Variants in TRHDE observed in about 807,000 individuals in gnomAD.
TRHDE encodes thyrotropin releasing hormone degrading enzyme.
TRHDE carries 72 observed loss-of-function variants against 125.7 expected under a neutral mutation model. The ratio of observed to expected loss-of-function variants is 0.57; its 90% CI spans 0.47 to 0.70. The LOEUF (loss-of-function observed/expected upper bound fraction) is 0.70. Ranked by LOEUF, TRHDE falls within the 30% of genes least tolerant of loss-of-function variation. TRHDE has a pLI of 0.00. For missense variants in TRHDE, 1,110 were observed against 1,327.1 expected (o/e 0.84, Z 2.54); for synonymous variants, 509 against 509.1 (o/e 1.00, Z 0.00).
intron 1 of TRHDE, among the ~76,000 whole-genome samples, chr12:72,102,530 T>C (rs1306730197): frequency 6.6e-6 from 1 of 152,184 alleles, no homozygotes; most frequent in Non-Finnish European, 1.5e-5. Flanking sequence ...CTAAATTTGG[T>C]TATTTATGGC....
chr12:72,379,771 G>A (rs113438278), intron 3 of TRHDE, among the ~76,000 whole-genome samples: 4,318 of 152,150 alleles, frequency 0.028, 111 homozygotes, highest in Non-Finnish European at 0.043. Context: ...CACCATTGCC[G>A]CTACTTGTTA....
intron 2 of TRHDE, among the ~76,000 whole-genome samples, chr12:72,212,396 T>A (rs1258555322): frequency 2.0e-5 from 3 of 151,988 alleles, no homozygotes; most frequent in Non-Finnish European, 2.9e-5. Flanking sequence ...TGAAACATTG[T>A]GGTATGAATA....
intron 3 of TRHDE, among the ~76,000 whole-genome samples, chr12:72,378,712 A>C (rs1872011502): frequency 6.6e-6 from 1 of 152,240 alleles, no homozygotes; most frequent in Admixed American, 6.5e-5. Flanking sequence ...TAAATACAAT[A>C]CAAATAAGAG....
Position 72,594,802 on chromosome 12 carries a change from G to T in TRHDE, c.2321+19260G>T, listed in dbSNP as rs145716195. On this transcript the variant is annotated intron_variant, in intron 12 of 18. Coordinates refer to ENST00000261180, the MANE Select transcript of TRHDE (RefSeq NM_013381.3). ...AGACTATAAATCATGCTGCTATAAAGACACATGCACACGTATGTTTATTTG... is the reference window on the plus strand; with the variant it reads ...AGACTATAAATCATGCTGCTATAAATACACATGCACACGTATGTTTATTTG... Among the ~76,000 whole-genome samples, 933 of 151,940 alleles carry T rather than the reference G, an allele frequency of 6.1e-3. 12 individuals carry two copies. Among genetic ancestry groups the T allele is most frequent in the African/African-American group, 0.021 (888 of 41,430 alleles).
intron 3 of TRHDE, among the ~76,000 whole-genome samples, chr12:72,408,854 TAA>T (rs887940905): frequency 9.2e-5 from 14 of 151,848 alleles, no homozygotes; most frequent in Non-Finnish European, 1.8e-4. Context: ...AAAAAATATA[TAA>T]AAGAGACAAT....
chr12:72,132,634 T>TC (rs56993382), intron 2 of TRHDE, among the ~76,000 whole-genome samples: 11,019 of 152,210 alleles, frequency 0.072, 671 homozygotes, highest in African/African-American at 0.16. Context: ...GAGCTCTAAG[T>TC]TCACACATCA....
At chr12:72,512,450 AT>A (rs1412154649) in intron 6 of TRHDE, among the ~76,000 whole-genome samples, 1 of 140,172 alleles carries the variant, frequency 7.1e-6, no homozygotes, top group African/African-American at 2.6e-5. Flanking sequence ...TTATAATTAT[AT>A]AATTATAATA....
chr12:72,273,646 CTTCCAA>C lies in TRHDE; in HGVS notation c.914+91_914+96del. 1.5e-6 allele frequency: 2 copies of C among 1,309,696 alleles called. No individual in the cohort carries two copies. The highest frequency in any genetic ancestry group is 2.1e-6 in the Non-Finnish European group (2 of 957,756). 81.1% of individuals were successfully genotyped at this position (1,309,696 alleles called of 1,614,324 possible). A position where few individuals can be genotyped will look rare whatever the true frequency, so the allele number is the denominator to read the frequency against. ...CCTGCGACCCCGGGGACCCAGCTGG[CTTCCAA>C]TACCCGGGAAGCCAGGGGTGGGGGG... On this transcript the variant is annotated intron_variant, in intron 1 of 18. Transcript: ENST00000261180. The surrounding 1 kb of genome is among the most constrained non-coding windows in gnomAD (Gnocchi z 5.3).
chr12:72,290,121 C>A (rs28450456), intron 2 of TRHDE, among the ~76,000 whole-genome samples: 3,139 of 152,240 alleles, frequency 0.021, 116 homozygotes, highest in African/African-American at 0.071. Context: ...TTAAGGTTTG[C>A]AGTCTAGGGA....
chr12:72,318,335 G>C (rs1466466943), intron 2 of TRHDE, among the ~76,000 whole-genome samples: 1 of 152,126 alleles, frequency 6.6e-6, no homozygotes, highest in African/African-American at 2.4e-5. Flanking sequence ...GTATCTAGAA[G>C]GAAGGCAGAT....
chr12:72,467,662 A>G (rs1431549771), intron 3 of TRHDE, among the ~76,000 whole-genome samples: 1 of 152,128 alleles, frequency 6.6e-6, no homozygotes, highest in African/African-American at 2.4e-5. Context: ...TAAAAATACA[A>G]AAATTAGCTG....
rs182052594 is a variant in TRHDE at position 72,577,645 on chromosome 12, G to A, written c.2321+2103G>A. 8.8e-4 allele frequency among the ~76,000 whole-genome samples: 134 copies of A among 152,286 alleles called. 1 individual carries two copies. Among genetic ancestry groups the A allele is most frequent in the African/African-American group, 3.2e-3 (131 of 41,564 alleles). On this transcript the variant is annotated intron_variant, in intron 12 of 18. Transcript: ENST00000261180. ...ACAGAGGCCAGATGGAAATTAAAAGGAAGGGATCTGTTGACTCATCTGCAT... is the reference window on the plus strand; with the variant it reads ...ACAGAGGCCAGATGGAAATTAAAAGAAAGGGATCTGTTGACTCATCTGCAT...
intron 7 of TRHDE, among the ~76,000 whole-genome samples, chr12:72,546,559 CCTT>C (rs1022449224): frequency 6.6e-6 from 1 of 151,664 alleles, no homozygotes; most frequent in African/African-American, 2.4e-5. Context: ...AATGACATTA[CCTT>C]CTTTAAATCT....
chr12:72,119,984 CTA>C (rs1334025354), intron 2 of TRHDE, among the ~76,000 whole-genome samples: 4 of 151,760 alleles, frequency 2.6e-5, no homozygotes, highest in Admixed American at 6.6e-5. Flanking sequence ...TTCAGCCACT[CTA>C]TGTCTTTTGA....
chr12:72,584,170 T>G (rs935403937), intron 12 of TRHDE, among the ~76,000 whole-genome samples: 31 of 152,156 alleles, frequency 2.0e-4, no homozygotes, highest in African/African-American at 6.0e-4. Context: ...TTCATCTCTA[T>G]AGTAGAAAAT....
chr12:72,467,022 G>A (rs1332705526), intron 3 of TRHDE, among the ~76,000 whole-genome samples: 2 of 152,216 alleles, frequency 1.3e-5, no homozygotes, highest in Non-Finnish European at 2.9e-5. Flanking sequence ...GATGCTCAAT[G>A]AGTATTTGTT....
rs534505581 is a variant in TRHDE, at chr12:72,315,016, A to G, written c.1188+28062A>G. Among the ~76,000 whole-genome samples the G allele has an allele frequency of 4.6e-5, 7 of 152,348 alleles. No homozygotes were observed. In the South Asian group the frequency reaches 1.4e-3, roughly 32 times the overall value. Reference sequence around the variant, plus strand: ...CAAATTAACTTATTGCTACCTAGTTAAAAATAAATTGTTTAGGCAGATATA... The same window carrying G: ...CAAATTAACTTATTGCTACCTAGTTGAAAATAAATTGTTTAGGCAGATATA... On this transcript the variant is annotated intron_variant, in intron 2 of 18. Coordinates refer to ENST00000261180, the MANE Select transcript of TRHDE (RefSeq NM_013381.3).
intron 9 of TRHDE, among the ~76,000 whole-genome samples, chr12:72,565,448 C>G (rs928295622): frequency 2.0e-5 from 3 of 152,114 alleles, no homozygotes; most frequent in African/African-American, 7.2e-5. Flanking sequence ...ATAAAGTTAG[C>G]TGATGTGTAA....
At chr12:72,371,155 T>C (rs1871566239) in intron 2 of TRHDE, among the ~76,000 whole-genome samples, 1 of 152,108 alleles carries the variant, frequency 6.6e-6, no homozygotes, top group South Asian at 2.1e-4. Context: ...TAGTCTGGGA[T>C]ATCATCCTCC....
Sources: allele counts gnomAD v4.1 joint callset (sites outside exome capture counted in the v4.1 genomes callset), GRCh38; gene constraint gnomAD v4.1.1; non-coding constraint Gnocchi (gnomAD v3.1); transcripts MANE v1.5; gene names NCBI Gene and HGNC (gene_info 2026-07-23, HGNC 2026-07-21).